SYNE2: variants seen among roughly 807,000 people sequenced by gnomAD.
SYNE2 encodes the protein nesprin-2.
In SYNE2, 431 loss-of-function variants were observed where a neutral mutation model predicts 856.3. The ratio of observed to expected loss-of-function variants is 0.50; its 90% CI spans 0.47 to 0.55. SYNE2 has a LOEUF of 0.55. Ranked by LOEUF, SYNE2 falls within the 20% of genes least tolerant of loss-of-function variation. The probability of loss-of-function intolerance (pLI) is 0.00; values close to 1 mark genes in which losing one functional copy is unlikely to be tolerated. For missense variants in SYNE2, 8,129 were observed against 8,023.2 expected (o/e 1.01, Z -0.50); for synonymous variants, 2,923 against 2,872.3 (o/e 1.02, Z -0.56).
Position 64,214,400 on chromosome 14 carries a change from C to T in SYNE2, c.19263C>T (p.His6421=). Reference sequence around the variant, plus strand: ...ACTCCATCCCCCTGGAGTGGGACCACACAGGCGACGTGGGGGGCTCCTCCT... The same window carrying T: ...ACTCCATCCCCCTGGAGTGGGACCATACAGGCGACGTGGGGGGCTCCTCCT... ...SVDSIPLEWD[H]TGDVGGSSSH... is the part of the protein sequence containing the mutation. Residue 6421 remains histidine, a synonymous_variant, in exon 106 of 116, where the codon CAC becomes CAT. Coordinates refer to ENST00000555002, the MANE Select transcript of SYNE2 (RefSeq NM_182914.3). 6.2e-7 allele frequency: 1 copy of T among 1,614,132 alleles called. No individual in the cohort carries two copies. Among genetic ancestry groups the T allele is most frequent in the South Asian group, 1.1e-5 (1 of 91,078 alleles).
chr14:64,128,633 T>C (rs923813788), intron 74 of SYNE2, 80 bp downstream of exon 74: 3 of 868,082 alleles, frequency 3.5e-6, no homozygotes, highest in African/African-American at 3.3e-5. Flanking sequence ...CTGAACTACT[T>C]TCCTTTGTGA....
intron 1 of SYNE2, among the ~76,000 whole-genome samples, chr14:63,860,249 A>G (rs116261785): frequency 0.016 from 2,398 of 148,682 alleles, 59 homozygotes; most frequent in African/African-American, 0.059. Flanking sequence ...GCAGAGTATT[A>G]CAATATTCAG....
At position 63,998,275 on chromosome 14, in the gene SYNE2, A is replaced by G; in HGVS notation, c.3300A>G (p.Glu1100=). The G allele has an allele frequency of 5.0e-6, 8 of 1,614,120 alleles. No individual in the cohort carries two copies. The highest frequency in any genetic ancestry group is 6.8e-6 in the Non-Finnish European group (8 of 1,179,960). The change falls in exon 26 of 116, where the codon GAA becomes GAG. Residue 1100 remains glutamate (E), a synonymous_variant. Coordinates refer to ENST00000555002, the MANE Select transcript of SYNE2 (RefSeq NM_182914.3). ...CATCAGTGTTAAGGCCTCTGCAAGA[A>G]GAAAGCATTATGGAAAAGGATTACA... is the stretch of plus-strand genomic sequence containing the variant. ...SLASVLRPLQ[E]ESIMEKDYSA...
chr14:64,108,915 C>T (rs548607163), intron 65 of SYNE2, among the ~76,000 whole-genome samples: 32 of 152,122 alleles, frequency 2.1e-4, no homozygotes, highest in African/African-American at 7.7e-4. Flanking sequence ...TCACTCTTCA[C>T]CCAGGCTGGA....
In SYNE2 at chr14:64,056,037, A is replaced by T. The variant is rs780009240; in HGVS notation, c.9838A>T (p.Ile3280Leu). 22 of 1,614,170 alleles carry T rather than the reference A, an allele frequency of 1.4e-5. 1 individual carries two copies. In the South Asian group the frequency reaches 2.3e-4, roughly 17 times the overall value. Residue 3280 changes from isoleucine to leucine, a missense_variant, in exon 49 of 116, where the codon ATA becomes TTA. Ile to Leu is a conservative substitution (Grantham distance 5). Around this residue, in one of 3 missense-constraint regions of SYNE2, gnomAD observed 5,410 missense variants for 5,284.8 expected, o/e 1.02. Transcript: ENST00000555002. ...CATCACTTCCCTCGAAGCCATCATT[A>T]TACCCTACAGAGTAGATGTTGGTAA... ...ESITSLEAIIIPYRVDVGNPE... is the reference protein window; with the variant it reads ...ESITSLEAIILPYRVDVGNPE...
rs549964154 is a variant in SYNE2 at position 64,002,038 on chromosome 14, G to T, written c.3743G>T (p.Gly1248Val). 1.9e-6 allele frequency: 3 copies of T among 1,613,596 alleles called. No homozygotes were observed. Among genetic ancestry groups the T allele is most frequent in the African/African-American group, 2.7e-5 (2 of 75,036 alleles). Residue 1248 changes from glycine (G) to valine (V), a missense_variant, in exon 29 of 116, where the codon GGA (glycine) becomes GTA (valine). Gly to Val is a moderately radical substitution (Grantham distance 109, BLOSUM62 -3). Transcript: ENST00000555002. ...CCTCTCCATAAAATGGCCATCCAGG[G>T]ATTTCATCTCATTGATGCTGATCGC... is the stretch of plus-strand genomic sequence containing the variant. The part of the protein sequence containing the change: ...DLPLHKMAIQ[G>V]FHLIDADRIY...
At chr14:63,800,902 C>A (rs1343347762) in intron 1 of SYNE2, among the ~76,000 whole-genome samples, 3 of 152,068 alleles carry the variant, frequency 2.0e-5, no homozygotes, top group Non-Finnish European at 2.9e-5. Flanking sequence ...GTACAACAAA[C>A]CCCTGTGACA....
At chr14:64,145,000 C>CACTGCA (rs2098170091) in intron 83 of SYNE2, among the ~76,000 whole-genome samples, 1 of 148,932 alleles carries the variant, frequency 6.7e-6, no homozygotes, top group Non-Finnish European at 1.5e-5. Context: ...GATCTCGGCT[C>CACTGCA]ACTGCAACTT....
chr14:64,220,428 C>T lies in SYNE2; in HGVS notation c.19861-9C>T, dbSNP rs761296216. 6.2e-7 allele frequency: 1 copy of T among 1,613,988 alleles called. No individual in the cohort carries two copies. Among genetic ancestry groups the T allele is most frequent in the African/African-American group, 1.3e-5 (1 of 74,936 alleles). On this transcript the variant is annotated splice_polypyrimidine_tract_variant and intron_variant, in intron 110 of 115. Coordinates refer to ENST00000555002, the MANE Select transcript of SYNE2 (RefSeq NM_182914.3). The stretch of plus-strand genomic sequence containing the variant: ...GAGCTCCTAACCTCATCTTTTCTCT[C>T]TCTGGTAGGAGATACTGAAAGCCTT...
upstream of SYNE2, among the ~76,000 whole-genome samples, chr14:63,851,212 T>A (rs1480597195): frequency 6.6e-6 from 1 of 151,898 alleles, no homozygotes; most frequent in Non-Finnish European, 1.5e-5. Flanking sequence ...AATACAAAAA[T>A]TAGCCAGGCA....
At position 64,101,805 on chromosome 14, in the gene SYNE2, C is replaced by T. The variant is rs868269837; in HGVS notation, c.12382-127C>T. On this transcript the variant is annotated intron_variant, in intron 63 of 115. Coordinates refer to ENST00000555002, the MANE Select transcript of SYNE2 (RefSeq NM_182914.3). Reference sequence around the variant, plus strand: ...CAGATAAAAAAATGGGGGAGGACTGCAATAAAGGGCTGTGGTTACACTGCC... The same window carrying T: ...CAGATAAAAAAATGGGGGAGGACTGTAATAAAGGGCTGTGGTTACACTGCC... The T allele has an allele frequency of 1.2e-4, 89 of 713,290 alleles. No homozygotes were observed. In the African/African-American group the frequency reaches 1.5e-3, roughly 12 times the overall value. The allele number at this position is 713,290 out of a possible 1,614,324, so 44.2% of individuals were successfully genotyped here. A position where few individuals can be genotyped will look rare whatever the true frequency, so the allele number is the denominator to read the frequency against.
chr14:64,127,420 T>TA (rs1277144928), intron 73 of SYNE2, among the ~76,000 whole-genome samples: 1 of 151,738 alleles, frequency 6.6e-6, no homozygotes, highest in Non-Finnish European at 1.5e-5. Context: ...AAGAAAAAAG[T>TA]AAAAAAATAA....
At chr14:64,219,076 T>C (rs2098680020) in intron 109 of SYNE2, 132 bp from the exon 110 acceptor site, 2 of 829,992 alleles carry the variant, frequency 2.4e-6, no homozygotes, top group South Asian at 1.7e-5. Flanking sequence ...CAGACCCTTC[T>C]GTCAGGGGAA....
rs985858120 is a variant in SYNE2, at chr14:63,859,579, G to A, written c.-52+6436G>A. On this transcript the variant is annotated intron_variant, in intron 1 of 115. Coordinates refer to ENST00000555002, the MANE Select transcript of SYNE2 (RefSeq NM_182914.3). Reference sequence around the variant, plus strand: ...CACACCTGTAATCCCAGCAGTTTGGGAGGCCAAGGCAGGCGGATCACGAGG... The same window carrying A: ...CACACCTGTAATCCCAGCAGTTTGGAAGGCCAAGGCAGGCGGATCACGAGG... Among the ~76,000 whole-genome samples the A allele has an allele frequency of 4.6e-5, 7 of 152,210 alleles. 1 individual carries two copies. The highest frequency in any genetic ancestry group is 3.3e-4 in the Admixed American group (5 of 15,282).
intron 80 of SYNE2, among the ~76,000 whole-genome samples, chr14:64,141,091 T>A (rs566962994): frequency 2.0e-4 from 30 of 152,320 alleles, no homozygotes; most frequent in African/African-American, 7.2e-4. Context: ...TTACCCCATT[T>A]AAATAATGAC....
chr14:64,125,771 CTG>C (rs1040983360), intron 71 of SYNE2, among the ~76,000 whole-genome samples: 4 of 152,192 alleles, frequency 2.6e-5, no homozygotes, highest in African/African-American at 9.7e-5. Context: ...ATGCATGACA[CTG>C]GGGACGTGCT....
At chr14:64,163,677 G>A in intron 89 of SYNE2, 96 bp downstream of exon 89, 1 of 1,429,228 alleles carries the variant, frequency 7.0e-7, no homozygotes, top group Non-Finnish European at 9.6e-7. Context: ...TTTACGGGCT[G>A]CTCCTTAGCA....
At chr14:63,818,811 G>C (rs1889106724) in intron 1 of SYNE2, among the ~76,000 whole-genome samples, 1 of 148,436 alleles carries the variant, frequency 6.7e-6, no homozygotes, top group African/African-American at 2.5e-5. Context: ...CCATTCTCCT[G>C]CCTCAGCCTC....
intron 9 of SYNE2, among the ~76,000 whole-genome samples, chr14:63,963,684 C>CA (rs1302117834): frequency 6.6e-6 from 1 of 151,958 alleles, no homozygotes; most frequent in African/African-American, 2.4e-5. Flanking sequence ...TGTTGCTTGC[C>CA]CATTTCTTTA....
Sources: allele counts gnomAD v4.1 joint callset (sites outside exome capture counted in the v4.1 genomes callset), GRCh38; gene constraint gnomAD v4.1.1; regional missense constraint gnomAD v4.1.1; transcripts MANE v1.5; gene names NCBI Gene and HGNC (gene_info 2026-07-23, HGNC 2026-07-21).